The following PRPSAP2 variants were observed in gnomAD, a reference collection of about 807,000 sequenced individuals.
The protein encoded by PRPSAP2 is phosphoribosyl pyrophosphate synthase-associated protein 2.
PRPSAP2 carries 24 observed loss-of-function variants against 40.6 expected under a neutral mutation model. The ratio of observed to expected loss-of-function variants is 0.59; its 90% CI spans 0.43 to 0.83. The LOEUF (loss-of-function observed/expected upper bound fraction) is 0.83, where lower values mean the gene tolerates loss of function less well. PRPSAP2 is among the 40% of genes least tolerant of loss of function. PRPSAP2 has a pLI of 0.00. For synonymous variants in PRPSAP2, 149 were observed against 164.7 expected, an observed-to-expected ratio of 0.90 and a Z score of 0.73; for missense variants, 292 against 465.6, an observed-to-expected ratio of 0.63 and a Z score of 3.43.
chr17:18,906,069 T>C (rs558621460), intron 8 of PRPSAP2, among the ~76,000 whole-genome samples: 1 of 152,338 alleles, frequency 6.6e-6, no homozygotes, highest in South Asian at 2.1e-4. Flanking sequence ...GATAAATATA[T>C]TTTACTGACT....
chr17:18,880,051 A>G lies in PRPSAP2; in HGVS notation c.412+2181A>G, dbSNP rs148653591. ...GTGGAGGTTGTGGTGAACCAAGATC[A>G]TGCCGTTGCACTCCAGCCTGGGCAA... On this transcript the variant is annotated intron_variant, in intron 6 of 11. Transcript: ENST00000268835. Among the ~76,000 whole-genome samples the G allele has an allele frequency of 3.9e-4, 59 of 152,180 alleles. No homozygotes were observed. In the East Asian group the frequency reaches 9.0e-3, roughly 23 times the overall value.
chr17:18,898,250 G>T (rs1226320646), intron 8 of PRPSAP2, among the ~76,000 whole-genome samples: 1 of 151,928 alleles, frequency 6.6e-6, no homozygotes, highest in Non-Finnish European at 1.5e-5. Flanking sequence ...GCCCACCGCG[G>T]CCTCCCAAAG....
At chr17:18,898,768 T>A (rs2040076481) in intron 8 of PRPSAP2, among the ~76,000 whole-genome samples, 1 of 152,222 alleles carries the variant, frequency 6.6e-6, no homozygotes, top group African/African-American at 2.4e-5. Context: ...TTCTTGAAGC[T>A]GTGGGTTTAT....
In PRPSAP2 at chr17:18,921,409, A is replaced by C. The variant is rs2041683060; in HGVS notation, c.734-2505A>C. ...CATTGAGGTCAAGTGTCCTGGGAGTAGGACTGTTGAAAATGTAAAAAGTCA... is the reference window on the plus strand; with the variant it reads ...CATTGAGGTCAAGTGTCCTGGGAGTCGGACTGTTGAAAATGTAAAAAGTCA... On this transcript the variant is annotated intron_variant, in intron 9 of 11. Transcript: ENST00000268835. Among the ~76,000 whole-genome samples the C allele has an allele frequency of 2.0e-5, 3 of 152,280 alleles. No individual in the cohort carries two copies. In the South Asian group the frequency reaches 6.2e-4, roughly 32 times the overall value.
chr17:18,869,104 GGGAGAA>G (rs1409651114), intron 4 of PRPSAP2, among the ~76,000 whole-genome samples: 3 of 152,132 alleles, frequency 2.0e-5, no homozygotes, highest in African/African-American at 7.2e-5. Flanking sequence ...GAAGGTGAAA[GGGAGAA>G]GCAGTGGCAT....
intron 10 of PRPSAP2, among the ~76,000 whole-genome samples, chr17:18,926,472 T>C (rs2041983263): frequency 1.3e-5 from 2 of 152,046 alleles, no homozygotes; most frequent in Non-Finnish European, 2.9e-5. Context: ...TTTCACCATA[T>C]TCACCAGGCT....
At chr17:18,913,845 C>T (rs1018108536) in intron 9 of PRPSAP2, among the ~76,000 whole-genome samples, 1 of 151,654 alleles carries the variant, frequency 6.6e-6, no homozygotes, top group Non-Finnish European at 1.5e-5. Context: ...TCCTGGCCGT[C>T]TGGCTTCTTT....
At chr17:18,927,455 C>T (rs979994874) in intron 10 of PRPSAP2, among the ~76,000 whole-genome samples, 1 of 152,182 alleles carries the variant, frequency 6.6e-6, no homozygotes, top group Non-Finnish European at 1.5e-5. Context: ...CCCTGAGATC[C>T]ATCCAGGTTG....
intron 8 of PRPSAP2, among the ~76,000 whole-genome samples, chr17:18,897,142 G>A (rs1369210735): frequency 6.6e-6 from 1 of 151,962 alleles, no homozygotes; most frequent in East Asian, 1.9e-4. Context: ...TTTTTTTGTA[G>A]AGATGGGGTC....
intron 7 of PRPSAP2, 123 bp from the exon 8 acceptor site, chr17:18,889,699 G>A: frequency 1.5e-6 from 1 of 664,264 alleles, no homozygotes; most frequent in African/African-American, 1.9e-5. Context: ...TTTTCCAAAG[G>A]AGAATTTTAC....
chr17:18,859,105 C>T (rs966141683), intron 1 of PRPSAP2, among the ~76,000 whole-genome samples: 1 of 152,008 alleles, frequency 6.6e-6, no homozygotes, highest in Admixed American at 6.6e-5. Flanking sequence ...ATTATGGAAC[C>T]TTTACACAGG....
intron 9 of PRPSAP2, among the ~76,000 whole-genome samples, chr17:18,916,861 T>C (rs1178711198): frequency 3.3e-5 from 5 of 152,206 alleles, no homozygotes; most frequent in African/African-American, 1.2e-4. Context: ...GTAAGGGCAC[T>C]AATCCTGTTC....
chr17:18,910,661 G>A (rs983972868), intron 8 of PRPSAP2, among the ~76,000 whole-genome samples: 2 of 152,178 alleles, frequency 1.3e-5, no homozygotes, highest in Non-Finnish European at 2.9e-5. Flanking sequence ...CTTTAGATAT[G>A]CACAGTTTCT....
chr17:18,920,191 G>A (rs1369737539), intron 9 of PRPSAP2, among the ~76,000 whole-genome samples: 3 of 152,186 alleles, frequency 2.0e-5, no homozygotes, highest in African/African-American at 4.8e-5. Flanking sequence ...CTTCAGTCCT[G>A]TAAGCACATG....
intron 6 of PRPSAP2, among the ~76,000 whole-genome samples, chr17:18,880,796 C>T (rs535943452): frequency 9.9e-5 from 15 of 152,172 alleles, no homozygotes; most frequent in African/African-American, 3.4e-4. Context: ...AAAGACTCTT[C>T]TGTATTACTG....
intron 7 of PRPSAP2, among the ~76,000 whole-genome samples, chr17:18,885,694 T>C (rs2039088571): frequency 6.6e-6 from 1 of 152,130 alleles, no homozygotes; most frequent in Non-Finnish European, 1.5e-5. Flanking sequence ...TTCAAGTGAT[T>C]GTCCTGCCTC....
chr17:18,892,745 A>ATTTATTTATT (rs57347460), intron 8 of PRPSAP2, among the ~76,000 whole-genome samples: 5 of 125,704 alleles, frequency 4.0e-5, no homozygotes, highest in Non-Finnish European at 8.4e-5. Context: ...TTATTTATTT[A>ATTTATTTATT]TTTTTTTGAG....
At chr17:18,873,952 T>C (rs114102505) in intron 5 of PRPSAP2, among the ~76,000 whole-genome samples, 2 of 152,140 alleles carry the variant, frequency 1.3e-5, no homozygotes, top group African/African-American at 2.4e-5. Context: ...TTGTCCAGTC[T>C]GGAGTGCAGT....
intron 8 of PRPSAP2, among the ~76,000 whole-genome samples, chr17:18,894,025 TTAG>T (rs2039755523): frequency 6.6e-6 from 1 of 152,102 alleles, no homozygotes; most frequent in African/African-American, 2.4e-5. Context: ...ACCTGGCTAA[TTAG>T]TAGAGATGGG....
Sources: gnomAD v4.1 joint callset for allele counts (sites outside exome capture counted in the v4.1 genomes callset) on GRCh38, gnomAD v4.1.1 for gene constraint, MANE v1.5 for transcripts, NCBI Gene and HGNC (gene_info 2026-07-23, HGNC 2026-07-21) for gene names.